The following ZNF420 variants were observed in gnomAD, a reference collection of about 807,000 sequenced individuals.
ZNF420 encodes the protein ATM and p53-associated KZNF protein.
Under a neutral mutation model 44.7 loss-of-function variants are expected in ZNF420, and 31 were observed. The observed-to-expected ratio is 0.69, with a 90% CI of 0.52 to 0.94. The LOEUF (loss-of-function observed/expected upper bound fraction) is 0.94. Ranked by LOEUF, ZNF420 falls within the 40% of genes least tolerant of loss-of-function variation. The pLI, the probability that ZNF420 is intolerant of heterozygous loss-of-function variation, is 0.00. For synonymous variants in ZNF420, 245 were observed against 267.4 expected (o/e 0.92, Z 0.82); for missense variants, 681 against 827.9 (o/e 0.82, Z 2.18).
intron 4 of ZNF420, among the ~76,000 whole-genome samples, chr19:37,102,255 G>A (rs1969823912): frequency 6.6e-6 from 1 of 151,986 alleles, no homozygotes; most frequent in African/African-American, 2.4e-5. Flanking sequence ...CTTCCTCAAG[G>A]TCTGCTGTGG....
chr19:37,058,594 AG>A (rs983680948), intron 1 of ZNF420, among the ~76,000 whole-genome samples: 10 of 152,126 alleles, frequency 6.6e-5, no homozygotes, highest in Non-Finnish European at 1.2e-4. Flanking sequence ...CTCCTAGAGC[AG>A]GCATCCCAAA....
At chr19:37,086,569 A>G (rs1968798764) in intron 2 of ZNF420, among the ~76,000 whole-genome samples, 1 of 152,162 alleles carries the variant, frequency 6.6e-6, no homozygotes, top group Non-Finnish European at 1.5e-5. Flanking sequence ...TCTGTCAGTT[A>G]CTGAGCAAAA....
At chr19:37,013,525 C>A (rs2074587629) in intron 1 of ZNF420, among the ~76,000 whole-genome samples, 1 of 152,080 alleles carries the variant, frequency 6.6e-6, no homozygotes, top group African/African-American at 2.4e-5. Flanking sequence ...GATGAAAAAA[C>A]CTCATGCAGA....
upstream of ZNF420, among the ~76,000 whole-genome samples, chr19:37,076,732 C>T (rs1272931200): frequency 6.6e-6 from 1 of 152,126 alleles, no homozygotes; most frequent in Non-Finnish European, 1.5e-5. Context: ...CATAGTATTC[C>T]ATGATGTATA....
At chr19:37,070,078 C>A (rs186184348) in intron 1 of ZNF420, among the ~76,000 whole-genome samples, 4 of 151,966 alleles carry the variant, frequency 2.6e-5, no homozygotes, top group Admixed American at 1.3e-4. Flanking sequence ...ACAAATTGAC[C>A]AATATAATTG....
At chr19:37,126,405 G>A (rs1457082913) in intron 4 of ZNF420, among the ~76,000 whole-genome samples, 2 of 152,152 alleles carry the variant, frequency 1.3e-5, no homozygotes, top group Admixed American at 1.3e-4. Context: ...GCGAAGCTGA[G>A]AAGGCTCAAC....
intron 4 of ZNF420, among the ~76,000 whole-genome samples, chr19:37,104,889 T>C (rs933237632): frequency 5.3e-5 from 8 of 152,264 alleles, no homozygotes; most frequent in African/African-American, 1.9e-4. Context: ...TTGTAGATTC[T>C]GGATATTAGC....
At chr19:37,084,303 C>G (rs996402367) in intron 2 of ZNF420, among the ~76,000 whole-genome samples, 2 of 152,070 alleles carry the variant, frequency 1.3e-5, no homozygotes, top group African/African-American at 4.8e-5. Context: ...AACCTTCCAG[C>G]TTTATGCACA....
intron 1 of ZNF420, among the ~76,000 whole-genome samples, chr19:37,026,484 T>G (rs1388383738): frequency 6.6e-6 from 1 of 152,162 alleles, no homozygotes; most frequent in African/African-American, 2.4e-5. Context: ...CACACCCTGC[T>G]AGTTTTGTAT....
chr19:37,110,543 T>C (rs1005109098), intron 4 of ZNF420, among the ~76,000 whole-genome samples: 1 of 152,222 alleles, frequency 6.6e-6, no homozygotes, highest in African/African-American at 2.4e-5. Context: ...GGAAATTTCT[T>C]TTTCTTACAG....
chr19:37,096,846 G>A (rs535522996), intron 4 of ZNF420, among the ~76,000 whole-genome samples: 29 of 151,418 alleles, frequency 1.9e-4, no homozygotes, highest in African/African-American at 6.5e-4. Context: ...TGTTCAGCAT[G>A]CTAAATCTGC....
At chr19:37,055,937 C>T (rs563938963) in intron 1 of ZNF420, among the ~76,000 whole-genome samples, 7 of 152,254 alleles carry the variant, frequency 4.6e-5, no homozygotes, top group East Asian at 3.9e-4. Context: ...CCTGTGTGCC[C>T]GTGGACTACT....
At chr19:37,111,683 A>G (rs1389185409) in intron 4 of ZNF420, 4 of 152,226 alleles carry the variant, frequency 2.6e-5, no homozygotes, top group Admixed American at 6.5e-5. Context: ...AAGTCTGACA[A>G]ATAGTTGGAC....
At chr19:37,039,579 C>T (rs1967416417) in intron 1 of ZNF420, among the ~76,000 whole-genome samples, 1 of 152,132 alleles carries the variant, frequency 6.6e-6, no homozygotes, top group Non-Finnish European at 1.5e-5. Flanking sequence ...TGTTGTTCCA[C>T]TTATAGAGCA....
intron 1 of ZNF420, among the ~76,000 whole-genome samples, chr19:37,030,835 G>A (rs1445975857): frequency 2.6e-5 from 4 of 152,162 alleles, no homozygotes; most frequent in East Asian, 1.9e-4. Context: ...ATGAGTGGCT[G>A]CACCCTAGTT....
At position 37,062,417 on chromosome 19, in the gene ZNF420, G is replaced by A. The variant is rs140206658; in HGVS notation, c.-124-17928G>A. 6.3e-3 allele frequency among the ~76,000 whole-genome samples: 962 copies of A among 152,268 alleles called. 28 individuals are homozygous for A. Among genetic ancestry groups the A allele is most frequent in the East Asian group, 0.05 (258 of 5,178 alleles). On this transcript the variant is annotated intron_variant, in intron 1 of 4. Coordinates refer to the ZNF420 transcript ENST00000587029. Reference sequence around the variant, plus strand: ...AAACTTTGCCAAAGTATTTTACTTCGTGTCCATGAAAATCTTTTATTTTCC... The same window carrying A: ...AAACTTTGCCAAAGTATTTTACTTCATGTCCATGAAAATCTTTTATTTTCC...
At chr19:37,013,797 G>A (rs1440799612) in intron 1 of ZNF420, among the ~76,000 whole-genome samples, 1 of 152,188 alleles carries the variant, frequency 6.6e-6, no homozygotes, top group Non-Finnish European at 1.5e-5. Flanking sequence ...AAAATCCAGG[G>A]ACTCCTGTAT....
At chr19:37,113,983 G>C (rs1970519941) in intron 4 of ZNF420, among the ~76,000 whole-genome samples, 1 of 152,084 alleles carries the variant, frequency 6.6e-6, no homozygotes, top group African/African-American at 2.4e-5. Context: ...CCTCATATAA[G>C]GGGAGTTGGG....
chr19:37,107,923 C>T (rs963583221), intron 4 of ZNF420, among the ~76,000 whole-genome samples: 7 of 152,078 alleles, frequency 4.6e-5, no homozygotes, highest in Non-Finnish European at 8.8e-5. Flanking sequence ...CTGTAGACGG[C>T]ATCTAACCAT....
Sources: allele counts gnomAD v4.1 joint callset (sites outside exome capture counted in the v4.1 genomes callset), GRCh38; gene constraint gnomAD v4.1.1; transcripts MANE v1.5; gene names NCBI Gene and HGNC (gene_info 2026-07-23, HGNC 2026-07-21).